GAB1: variants seen among roughly 807,000 people sequenced by gnomAD.
The protein encoded by GAB1 is GRB2-associated-binding protein 1.
Under a neutral mutation model 66.5 loss-of-function variants are expected in GAB1, and 19 were observed. The observed-to-expected ratio is 0.29, with a 90% CI of 0.20 to 0.42. GAB1 has a LOEUF of 0.42. Ranked by LOEUF, GAB1 falls within the 10% of genes least tolerant of loss-of-function variation. The pLI is 1.00. For missense variants in GAB1, 732 were observed against 858.5 expected (o/e 0.85, Z 1.84); for synonymous variants, 294 against 301.4 (o/e 0.98, Z 0.25).
intron 1 of GAB1, among the ~76,000 whole-genome samples, chr4:143,375,903 G>A (rs1281272215): frequency 6.6e-6 from 1 of 152,052 alleles, no homozygotes; most frequent in Non-Finnish European, 1.5e-5. Context: ...ATGTCTGCAG[G>A]CATTGCCAAG....
At chr4:143,441,907 G>A (rs1037643474) in intron 6 of GAB1, among the ~76,000 whole-genome samples, 12 of 152,184 alleles carry the variant, frequency 7.9e-5, no homozygotes, top group African/African-American at 2.9e-4. Context: ...ATTGCTTAGA[G>A]ATGATGTGAT....
rs749405727 is a variant in GAB1, at chr4:143,460,450, A to G, written c.1766A>G (p.Tyr589Cys). The G allele has an allele frequency of 1.2e-6, 2 of 1,613,860 alleles. No homozygotes were observed. Among genetic ancestry groups the G allele is most frequent in the East Asian group, 2.2e-5 (1 of 44,864 alleles). ...SSDSHDSEEN[Y>C]VPMNPNLSSE... The stretch of plus-strand genomic sequence containing the variant: ...GACTCACACGACAGTGAAGAGAATT[A>G]TGTTCCCATGAACCCAAACCTGTCC... Residue 589 changes from tyrosine (Y) to cysteine (C), a missense_variant, in exon 8 of 10, where the codon TAT (tyrosine) becomes TGT (cysteine). Around this residue, in one of 4 missense-constraint regions of GAB1, gnomAD observed 204 missense variants for 276.8 expected, o/e 0.74. Coordinates refer to ENST00000262994, the MANE Select transcript of GAB1 (RefSeq NM_002039.4).
chr4:143,455,807 G>T (rs992367801), intron 6 of GAB1, among the ~76,000 whole-genome samples: 1 of 152,080 alleles, frequency 6.6e-6, no homozygotes, highest in South Asian at 2.1e-4. Context: ...ATCTCCAGCC[G>T]CAATGGAGAG....
At chr4:143,400,772 A>G (rs981166466) in intron 1 of GAB1, among the ~76,000 whole-genome samples, 3 of 152,158 alleles carry the variant, frequency 2.0e-5, no homozygotes, top group Non-Finnish European at 2.9e-5. Flanking sequence ...GTTCAAGAGC[A>G]GCCTGGCCAA....
intron 1 of GAB1, among the ~76,000 whole-genome samples, chr4:143,361,020 T>A (rs1347026080): frequency 2.6e-5 from 4 of 152,224 alleles, no homozygotes; most frequent in Non-Finnish European, 4.4e-5. Flanking sequence ...CAGGCTAACA[T>A]AAAGTGCTGC....
chr4:143,446,759 A>T (rs1401890103), intron 6 of GAB1, among the ~76,000 whole-genome samples: 3 of 151,838 alleles, frequency 2.0e-5, no homozygotes, highest in African/African-American at 7.3e-5. Flanking sequence ...GTTCACTCTG[A>T]TGGTAGTTTC....
intron 1 of GAB1, among the ~76,000 whole-genome samples, chr4:143,394,485 A>T (rs757794212): frequency 3.9e-5 from 6 of 152,202 alleles, no homozygotes; most frequent in Non-Finnish European, 8.8e-5. Context: ...AATTTTTATC[A>T]TCAAGTAATA....
At chr4:143,467,520 G>A (rs1315902043) in intron 9 of GAB1, among the ~76,000 whole-genome samples, 1 of 152,022 alleles carries the variant, frequency 6.6e-6, no homozygotes, top group Non-Finnish European at 1.5e-5. Flanking sequence ...CCAATTTACT[G>A]GCTCCTTTTT....
At chr4:143,383,649 A>G (rs1252191465) in intron 1 of GAB1, among the ~76,000 whole-genome samples, 1 of 151,832 alleles carries the variant, frequency 6.6e-6, no homozygotes, top group African/African-American at 2.4e-5. Context: ...AACTGTTTTG[A>G]AACTGGCTTT....
At chr4:143,408,338 A>G (rs938058211) in intron 1 of GAB1, among the ~76,000 whole-genome samples, 1 of 152,214 alleles carries the variant, frequency 6.6e-6, no homozygotes, top group African/African-American at 2.4e-5. Flanking sequence ...CAAAGTATGT[A>G]AAATATGAGA....
intron 9 of GAB1, among the ~76,000 whole-genome samples, chr4:143,466,845 T>G (rs555865480): frequency 1.3e-5 from 2 of 152,290 alleles, no homozygotes; most frequent in East Asian, 3.9e-4. Context: ...CTCCTTAAAA[T>G]GCTCAAATTC....
chr4:143,350,000 C>T, intron 1 of GAB1: 1 of 1,577,552 alleles, frequency 6.3e-7, no homozygotes, highest in Non-Finnish European at 8.6e-7. Flanking sequence ...TCGGCCTTGC[C>T]TCCGCGACCC....
At chr4:143,372,913 A>G (rs934541075) in intron 1 of GAB1, among the ~76,000 whole-genome samples, 1 of 152,212 alleles carries the variant, frequency 6.6e-6, no homozygotes, top group Non-Finnish European at 1.5e-5. Context: ...TCCTCTTAAA[A>G]TGATGCTCCC....
intron 1 of GAB1, among the ~76,000 whole-genome samples, chr4:143,370,273 C>G (rs1196879502): frequency 9.9e-5 from 15 of 152,188 alleles, no homozygotes; most frequent in Admixed American, 9.8e-4. Flanking sequence ...CTTATAGGAG[C>G]TGAGGTCTGC....
At chr4:143,443,374 T>A (rs978817029) in intron 6 of GAB1, among the ~76,000 whole-genome samples, 6 of 152,154 alleles carry the variant, frequency 3.9e-5, no homozygotes, top group Non-Finnish European at 7.3e-5. Flanking sequence ...AGAATGTATT[T>A]AACATTACAA....
intron 6 of GAB1, among the ~76,000 whole-genome samples, chr4:143,448,518 G>C (rs1241612517): frequency 1.3e-5 from 2 of 151,458 alleles, no homozygotes; most frequent in African/African-American, 2.4e-5. Flanking sequence ...GTTTAGTCTT[G>C]GGAGAGTGTA....
chr4:143,353,653 C>A (rs1419518992), intron 1 of GAB1, among the ~76,000 whole-genome samples: 2 of 147,868 alleles, frequency 1.4e-5, no homozygotes, highest in Non-Finnish European at 3.0e-5. Flanking sequence ...AATTCAGTAA[C>A]CTTGGAGAGA....
chr4:143,441,568 T>C (rs975127580), intron 6 of GAB1, among the ~76,000 whole-genome samples: 1 of 152,168 alleles, frequency 6.6e-6, no homozygotes, highest in African/African-American at 2.4e-5. Context: ...GAGGTTAACC[T>C]CCTTCAACAA....
chr4:143,448,454 T>G (rs1734697163), intron 6 of GAB1, among the ~76,000 whole-genome samples: 1 of 151,938 alleles, frequency 6.6e-6, no homozygotes, highest in Admixed American at 6.5e-5. Flanking sequence ...TATTGATTAT[T>G]GCCACAATTT....
Sources: gnomAD v4.1 joint callset for allele counts (sites outside exome capture counted in the v4.1 genomes callset) on GRCh38, gnomAD v4.1.1 for gene constraint, gnomAD v4.1.1 regional missense constraint, MANE v1.5 for transcripts, NCBI Gene and HGNC (gene_info 2026-07-23, HGNC 2026-07-21) for gene names.